LMF1: variants seen among roughly 807,000 people sequenced by gnomAD.
LMF1 encodes the protein lipase maturation factor 1, also known as transmembrane protein 112.
LMF1 carries 68 observed loss-of-function variants against 60.6 expected under a neutral mutation model. The observed-to-expected ratio is 1.12, with a 90% CI of 0.92 to 1.37. LMF1 has a LOEUF of 1.37. Among genes scored for constraint, LMF1 ranks in the 40% most tolerant of loss-of-function variants. The pLI is 0.00. For synonymous variants in LMF1, 418 were observed against 324.7 expected (o/e 1.29, Z -3.09); for missense variants, 948 against 767.2 (o/e 1.24, Z -2.78).
At position 854,391 on chromosome 16, in the gene LMF1, C is replaced by T. The variant is rs1168003254; in HGVS notation, c.*141G>A. ...ATGTGACAACAGACCCCACCCTGGACCCCCGTGCTGGGGGCTGGGTCCCAC... is the reference window on the plus strand; with the variant it reads ...ATGTGACAACAGACCCCACCCTGGATCCCCGTGCTGGGGGCTGGGTCCCAC... On this transcript the variant is annotated 3_prime_UTR_variant, in exon 11 of 11. Transcript: ENST00000262301. 1.1e-6 allele frequency: 1 copy of T among 894,956 alleles called. No homozygotes were observed. Among genetic ancestry groups the T allele is most frequent in the Admixed American group, 2.1e-5 (1 of 48,538 alleles). The allele number at this position is 894,956 out of a possible 1,614,324, so 55.4% of individuals were successfully genotyped here.
intron 3 of LMF1, among the ~76,000 whole-genome samples, chr16:916,862 C>A (rs1414568961): frequency 6.6e-6 from 1 of 152,254 alleles, no homozygotes; most frequent in Non-Finnish European, 1.5e-5. Context: ...CTAGCCACCT[C>A]CCGGGTGTCC....
intron 6 of LMF1, among the ~76,000 whole-genome samples, 174 bp downstream of exon 6, chr16:879,396 G>A (rs760135636): frequency 2.0e-5 from 3 of 152,168 alleles, no homozygotes; most frequent in Non-Finnish European, 4.4e-5. Context: ...CTGCAGCCCG[G>A]GACAGGGCTG....
chr16:922,846 C>T (rs1431069218), intron 3 of LMF1, among the ~76,000 whole-genome samples: 10 of 109,642 alleles, frequency 9.1e-5, no homozygotes, highest in Admixed American at 1.9e-4. Context: ...GTGTGAAAGT[C>T]GCCTCGGTTT....
intron 3 of LMF1, among the ~76,000 whole-genome samples, chr16:913,448 G>A (rs752058080): frequency 7.9e-5 from 12 of 152,256 alleles, no homozygotes; most frequent in African/African-American, 1.9e-4. Flanking sequence ...GACAGGGTGC[G>A]ACACCCAACT....
At chr16:901,624 G>A (rs2070813852) in intron 4 of LMF1, 2 of 152,298 alleles carry the variant, frequency 1.3e-5, no homozygotes, top group Non-Finnish European at 2.9e-5. Context: ...ATTTAAAGCA[G>A]AAAACCTGGC....
Position 886,107 on chromosome 16 carries a change from C to A in LMF1, c.730-6370G>T, listed in dbSNP as rs556049404. Among the ~76,000 whole-genome samples the A allele has an allele frequency of 8.4e-4, 128 of 152,328 alleles. 1 individual carries two copies. The highest frequency in any genetic ancestry group is 1.8e-3 in the Admixed American group (27 of 15,308). On this transcript the variant is annotated intron_variant, in intron 5 of 10. Transcript: ENST00000262301. ...GGAACTTTCATTCCAGTGCATGTTA[C>A]GACATTTGATTCTCACAACCGCCGT...
upstream of LMF1, chr16:981,301 TGTGAGAGAGAGAGAGAGAGAGAGA>T: frequency 3.0e-6 from 1 of 329,934 alleles, no homozygotes; most frequent in Non-Finnish European, 5.9e-6. Flanking sequence ...TGTGTGTGTG[TGTGAGAGAGAGAGAGAGAGAGAGA>T]GAGAGAGAGA....
intron 4 of LMF1, chr16:893,354 C>T (rs767689279): frequency 9.0e-6 from 5 of 558,646 alleles, no homozygotes; most frequent in East Asian, 4.1e-5. Context: ...CAGAGCTCCA[C>T]GCATCATCAC....
upstream of LMF1, chr16:975,871 A>G (rs1225613020): frequency 2.2e-6 from 1 of 453,984 alleles, no homozygotes; most frequent in Non-Finnish European, 4.4e-6. Context: ...CATTTCGAGA[A>G]AGCAGGTTTT....
At chr16:913,293 T>C (rs4984978) in intron 3 of LMF1, among the ~76,000 whole-genome samples, 44,455 of 151,986 alleles carry the variant, frequency 0.29, 8,523 homozygotes, top group African/African-American at 0.53. Context: ...GCGTTCTGCC[T>C]GGGTAACGGG....
chr16:931,160 A>T (rs1487026623), intron 3 of LMF1, among the ~76,000 whole-genome samples: 1 of 151,718 alleles, frequency 6.6e-6, no homozygotes, highest in Non-Finnish European at 1.5e-5. Context: ...TGGGGAAGCC[A>T]CAGCTACATG....
Position 870,159 on chromosome 16 carries a change from C to T in LMF1, c.1233-93G>A, listed in dbSNP as rs150556480. 6,438 of 1,414,180 alleles carry T rather than the reference C, an allele frequency of 4.6e-3. 44 individuals are homozygous for T. The highest frequency in any genetic ancestry group is 0.025 in the African/African-American group (1,777 of 71,384). The allele number at this position is 1,414,180 out of a possible 1,614,324, so 87.6% of individuals were successfully genotyped here. ...GGGGGGGGTTCCCCGACTGTCCATC[C>T]TGGCCCAGGGGGAGGGCTACAGCCT... On this transcript the variant is annotated intron_variant, in intron 8 of 10. Transcript: ENST00000262301.
At position 879,772 on chromosome 16, in the gene LMF1, C is replaced by T. The variant is rs200143716; in HGVS notation, c.730-35G>A. The T allele has an allele frequency of 1.3e-4, 196 of 1,546,504 alleles. 3 individuals are homozygous for T. The East Asian group carries it at 4.4e-3, about 34-fold the overall frequency. ...CAGGAGGGGCCGTGAGGTGCCTGGC[C>T]GATCTCGGGGGGCGGGGCTAGGGAG... On this transcript the variant is annotated intron_variant, in intron 5 of 10. Coordinates refer to ENST00000262301, the MANE Select transcript of LMF1 (RefSeq NM_022773.4).
intron 2 of LMF1, among the ~76,000 whole-genome samples, chr16:948,008 A>AGAGCCAACGACAGAGTCG (rs1402645165): frequency 1.3e-5 from 2 of 151,992 alleles, no homozygotes; most frequent in Admixed American, 1.3e-4. Flanking sequence ...CGACAGAGTC[A>AGAGCCAACGACAGAGTCG]GCCAACGACA....
intron 1 of LMF1, among the ~76,000 whole-genome samples, chr16:970,094 G>A (rs967588055): frequency 6.6e-6 from 1 of 152,240 alleles, no homozygotes; most frequent in African/African-American, 2.4e-5. Flanking sequence ...TGCAGATGAG[G>A]TTCCGGAGCT....
At chr16:931,373 C>T (rs1472505828) in intron 3 of LMF1, among the ~76,000 whole-genome samples, 1 of 152,236 alleles carries the variant, frequency 6.6e-6, no homozygotes, top group East Asian at 1.9e-4. Flanking sequence ...GCCGCAGGGT[C>T]CCAGTGACCG....
chr16:928,695 AGCCCCTCCCCACATCCCCACGG>A (rs2071681890), intron 3 of LMF1, among the ~76,000 whole-genome samples: 1 of 146,414 alleles, frequency 6.8e-6, no homozygotes, highest in African/African-American at 2.5e-5. Flanking sequence ...CGCCCCCACG[AGCCCCTCCCCACATCCCCACGG>A]GCCCACCCCA....
chr16:902,540 C>T (rs2070843361), intron 4 of LMF1: 1 of 162,664 alleles, frequency 6.1e-6, no homozygotes, highest in Non-Finnish European at 1.3e-5. Flanking sequence ...GGTGCTCAAC[C>T]CAGGGAAGGC....
At chr16:879,791 T>C in intron 5 of LMF1, 54 bp from the exon 6 acceptor site, 1 of 1,512,854 alleles carries the variant, frequency 6.6e-7, no homozygotes, top group South Asian at 1.2e-5. Context: ...GGGGCGGGGC[T>C]AGGGAGAGGC....
Sources: gnomAD v4.1 joint callset for allele counts (sites outside exome capture counted in the v4.1 genomes callset) on GRCh38, gnomAD v4.1.1 for gene constraint, MANE v1.5 for transcripts, NCBI Gene and HGNC (gene_info 2026-07-23, HGNC 2026-07-21) for gene names.